Variants in HS6ST3 observed in about 807,000 individuals in gnomAD.
The protein encoded by HS6ST3 is heparan-sulfate 6-O-sulfotransferase 3.
A neutral mutation model predicts 36.7 loss-of-function variants in HS6ST3; 12 were observed. The observed-to-expected ratio is 0.33, with a 90% CI of 0.21 to 0.53. The LOEUF (loss-of-function observed/expected upper bound fraction) is 0.53. Ranked by LOEUF, HS6ST3 falls within the 20% of genes least tolerant of loss-of-function variation. HS6ST3 has a pLI of 0.95. For synonymous variants in HS6ST3, 240 were observed against 257.5 expected, an observed-to-expected ratio of 0.93 and a Z score of 0.65; for missense variants, 584 against 640.9, an observed-to-expected ratio of 0.91 and a Z score of 0.96.
At chr13:96,320,626 T>A (rs1555297864) in intron 1 of HS6ST3, among the ~76,000 whole-genome samples, 2 of 152,226 alleles carry the variant, frequency 1.3e-5, no homozygotes, top group Non-Finnish European at 2.9e-5. Flanking sequence ...TTCTCTACAC[T>A]GGGGTGTATC....
chr13:96,481,621 A>T (rs950240033), intron 1 of HS6ST3, among the ~76,000 whole-genome samples: 1 of 152,074 alleles, frequency 6.6e-6, no homozygotes, highest in Non-Finnish European at 1.5e-5. Flanking sequence ...CCTTCCCCAG[A>T]TGCCTTCTGC....
At chr13:96,378,343 A>G (rs1473891546) in intron 1 of HS6ST3, among the ~76,000 whole-genome samples, 3 of 152,082 alleles carry the variant, frequency 2.0e-5, no homozygotes. Context: ...GTAGTTTCTG[A>G]CTTAGCTTCG....
chr13:96,515,848 A>G (rs892240187), intron 1 of HS6ST3, among the ~76,000 whole-genome samples: 1 of 152,148 alleles, frequency 6.6e-6, no homozygotes, highest in Non-Finnish European at 1.5e-5. Flanking sequence ...GTATGTCTTT[A>G]TAGTGGTATA....
chr13:96,351,650 G>C (rs1252092584), intron 1 of HS6ST3, among the ~76,000 whole-genome samples: 1 of 152,082 alleles, frequency 6.6e-6, no homozygotes, highest in Non-Finnish European at 1.5e-5. Flanking sequence ...CAGAATAATG[G>C]AAGAAATCAA....
chr13:96,771,786 C>T (rs922283900), intron 1 of HS6ST3, among the ~76,000 whole-genome samples: 1 of 152,090 alleles, frequency 6.6e-6, no homozygotes, highest in African/African-American at 2.4e-5. Context: ...CTCCTGAATA[C>T]ATTAGGCATC....
chr13:96,637,013 A>G (rs1405290952), intron 1 of HS6ST3, among the ~76,000 whole-genome samples: 1 of 152,152 alleles, frequency 6.6e-6, no homozygotes, highest in East Asian at 1.9e-4. Context: ...TTAAATTTAA[A>G]AAAAAAGAAT....
rs117551601 is a variant in HS6ST3, at chr13:96,720,101, C to T, written c.708-112389C>T. On this transcript the variant is annotated intron_variant, in intron 1 of 1. Coordinates refer to ENST00000376705, the MANE Select transcript of HS6ST3 (RefSeq NM_153456.4). ...CTCTCTCTTGCCTTCTTTTTTACTT[C>T]CCTAGACACTGAAGACAGTAATTAA... is the stretch of plus-strand genomic sequence containing the variant. Among the ~76,000 whole-genome samples, 493 of 152,228 alleles carry T rather than the reference C, an allele frequency of 3.2e-3. 2 individuals are homozygous for T. The highest frequency in any genetic ancestry group is 5.5e-3 in the Non-Finnish European group (376 of 68,006).
At chr13:96,831,868 T>C (rs1344399057) in intron 1 of HS6ST3, among the ~76,000 whole-genome samples, 1 of 144,880 alleles carries the variant, frequency 6.9e-6, no homozygotes, top group Non-Finnish European at 1.5e-5. Context: ...GGCAGGAGAA[T>C]CGCTTGAACC....
intron 1 of HS6ST3, among the ~76,000 whole-genome samples, chr13:96,194,662 T>TGG (rs1186950024): frequency 6.6e-6 from 1 of 152,132 alleles, no homozygotes. Flanking sequence ...TTACTACTAA[T>TGG]TATAGTTACC....
rs534876896 is a variant in HS6ST3, at chr13:96,614,717, T to C, written c.708-217773T>C. 3.9e-5 allele frequency among the ~76,000 whole-genome samples: 6 copies of C among 152,322 alleles called. No individual in the cohort carries two copies. The South Asian group carries it at 1.0e-3, about 26-fold the overall frequency. On this transcript the variant is annotated intron_variant, in intron 1 of 1. Transcript: ENST00000376705. The stretch of plus-strand genomic sequence containing the variant: ...TTGCTGACAGGAAATAAAAATAATG[T>C]GTTATCATTTTACAGGCATTTAAAA...
At chr13:96,137,900 A>G (rs2054010763) in intron 1 of HS6ST3, among the ~76,000 whole-genome samples, 1 of 152,178 alleles carries the variant, frequency 6.6e-6, no homozygotes, top group Non-Finnish European at 1.5e-5. Flanking sequence ...TTTTTACATC[A>G]TTGTGCCTAT....
chr13:96,401,365 T>A (rs1364601055), intron 1 of HS6ST3, among the ~76,000 whole-genome samples: 1 of 152,200 alleles, frequency 6.6e-6, no homozygotes, highest in East Asian at 1.9e-4. Context: ...AAGACACCAT[T>A]CAAAATGTCA....
intron 1 of HS6ST3, among the ~76,000 whole-genome samples, chr13:96,314,178 G>T (rs2054956289): frequency 6.6e-6 from 1 of 152,182 alleles, no homozygotes; most frequent in Non-Finnish European, 1.5e-5. Flanking sequence ...TCCAGCCTGG[G>T]TGAGAGTGAG....
chr13:96,467,343 G>A (rs988747473), intron 1 of HS6ST3, among the ~76,000 whole-genome samples: 1 of 152,164 alleles, frequency 6.6e-6, no homozygotes, highest in African/African-American at 2.4e-5. Context: ...GCTTAAATCT[G>A]TCCTGAGTCC....
intron 1 of HS6ST3, among the ~76,000 whole-genome samples, chr13:96,740,939 C>T (rs948046822): frequency 6.6e-6 from 1 of 152,180 alleles, no homozygotes; most frequent in Non-Finnish European, 1.5e-5. Context: ...TGCCAGATAG[C>T]AGCACGTAAC....
chr13:96,146,015 C>G lies in HS6ST3; in HGVS notation c.707+54446C>G, dbSNP rs1448374459. 6.6e-5 allele frequency among the ~76,000 whole-genome samples: 10 copies of G among 152,214 alleles called. No homozygotes were observed. The East Asian group carries it at 1.9e-3, about 29-fold the overall frequency. On this transcript the variant is annotated intron_variant, in intron 1 of 1. Transcript: ENST00000376705. ...TCTGTTCTGTTCCATTGGTCTATAT[C>G]TCTGTTTTGGTACCAGTACCATGCT...
intron 1 of HS6ST3, among the ~76,000 whole-genome samples, chr13:96,331,534 C>G (rs1361856730): frequency 6.6e-6 from 1 of 152,068 alleles, no homozygotes; most frequent in African/African-American, 2.4e-5. Context: ...GGCAGTCTGC[C>G]CGTTCTCAGA....
chr13:96,281,295 C>T (rs568977203), intron 1 of HS6ST3, among the ~76,000 whole-genome samples: 6 of 152,272 alleles, frequency 3.9e-5, no homozygotes, highest in East Asian at 1.9e-4. Context: ...TGAGCCACCG[C>T]GCCTAGCCCA....
chr13:96,660,598 C>T (rs998548006), intron 1 of HS6ST3, among the ~76,000 whole-genome samples: 2 of 152,038 alleles, frequency 1.3e-5, no homozygotes, highest in African/African-American at 4.8e-5. Flanking sequence ...AGGGTGAAAG[C>T]TCTGTGGCAT....
Sources: gnomAD v4.1 joint callset for allele counts (sites outside exome capture counted in the v4.1 genomes callset) on GRCh38, gnomAD v4.1.1 for gene constraint, MANE v1.5 for transcripts, NCBI Gene and HGNC (gene_info 2026-07-23, HGNC 2026-07-21) for gene names.